NIBAN3: variants seen among roughly 807,000 people sequenced by gnomAD.
The protein encoded by NIBAN3 is protein Niban 3.
In NIBAN3, 66 loss-of-function variants were observed where a neutral mutation model predicts 76.4. The observed-to-expected ratio is 0.86, with a 90% CI of 0.71 to 1.06. The LOEUF is 1.06. Among genes scored for constraint, NIBAN3 ranks in the 50% least tolerant of loss-of-function variants. The pLI is 0.00. For missense variants in NIBAN3, 808 were observed against 810.7 expected (o/e 1.00, Z 0.04); for synonymous variants, 360 against 355.2 (o/e 1.01, Z -0.15).
At chr19:17,554,729 G>A (rs1169597092), downstream of NIBAN3, among the ~76,000 whole-genome samples, 2 of 145,834 alleles carry the variant, frequency 1.4e-5, no homozygotes, top group Non-Finnish European at 3.0e-5. Flanking sequence ...GCAGTGAGCC[G>A]AGATCGCGCC....
In NIBAN3 at chr19:17,553,287, G is replaced by T; in HGVS notation, c.*1389G>T. 1 of 1,607,648 alleles carries T rather than the reference G, an allele frequency of 6.2e-7. No individual in the cohort carries two copies. On this transcript the variant is annotated 3_prime_UTR_variant, in exon 15 of 15. Transcript: ENST00000599164. ...TTTGGGGTTTTTTTCTCCGCTTGCT[G>T]TGAGCCTTTTGGGTTTGTTTCCTAG...
chr19:17,537,914 C>T (rs558286181), intron 5 of NIBAN3, among the ~76,000 whole-genome samples: 6 of 151,208 alleles, frequency 4.0e-5, no homozygotes, highest in Admixed American at 1.3e-4. Flanking sequence ...GCACTGCACT[C>T]CAGCCTGGGC....
upstream of NIBAN3, among the ~76,000 whole-genome samples, chr19:17,526,257 G>A (rs1027185256): frequency 3.3e-5 from 5 of 151,976 alleles, no homozygotes; most frequent in Non-Finnish European, 5.9e-5. Context: ...AGGTTGCAGT[G>A]AGCCAAGATA....
chr19:17,528,274 T>G (rs2075646571), intron 1 of NIBAN3, among the ~76,000 whole-genome samples: 1 of 152,022 alleles, frequency 6.6e-6, no homozygotes. Context: ...GTATTTTTAG[T>G]AGAGATGGGG....
chr19:17,530,922 G>A, intron 2 of NIBAN3, 37 bp downstream of exon 2: 1 of 1,603,008 alleles, frequency 6.2e-7, no homozygotes, highest in Non-Finnish European at 8.5e-7. Context: ...TTGAGTGTTA[G>A]GGGAGGGTCC....
chr19:17,540,394 GA>G lies in NIBAN3; in HGVS notation c.983del (p.Asp328ValfsTer76). The G allele has an allele frequency of 1.3e-6, 2 of 1,490,990 alleles. No individual in the cohort carries two copies. The highest frequency in any genetic ancestry group is 1.8e-6 in the Non-Finnish European group (2 of 1,116,190). 92.4% of individuals were successfully genotyped at this position (1,490,990 alleles called of 1,614,324 possible). A position where few individuals can be genotyped will look rare whatever the true frequency, so the allele number is the denominator to read the frequency against. Reference protein sequence around the residue: ...RARVAGRLRTDIRGPLESCLR... With the variant: ...RARVAGRLRTXIRGPLESCLR... ...AGACCAGTGTCTTCCACTCCCAGCG[GA>G]TATCAGGGGACCGCTCGAGTCGTGC... On this transcript the variant is annotated frameshift_variant, in exon 9 of 15. Coordinates refer to ENST00000599164, the MANE Select transcript of NIBAN3 (RefSeq NM_001321827.2). LOFTEE classifies it high-confidence loss of function.
chr19:17,534,803 A>G (rs12972038), intron 4 of NIBAN3, among the ~76,000 whole-genome samples: 7 of 130,228 alleles, frequency 5.4e-5, no homozygotes, highest in East Asian at 2.0e-4. Flanking sequence ...AAAAAAAAAA[A>G]AAAAGAAAAG....
rs1215469495 is a variant in NIBAN3 at position 17,539,419 on chromosome 19, G to A, written c.784G>A (p.Ala262Thr). 2 of 1,515,152 alleles carry A rather than the reference G, an allele frequency of 1.3e-6. No individual in the cohort carries two copies. The highest frequency in any genetic ancestry group is 1.8e-6 in the Non-Finnish European group (2 of 1,135,678). The allele number at this position is 1,515,152 out of a possible 1,614,324, so 93.9% of individuals were successfully genotyped here. A position where few individuals can be genotyped will look rare whatever the true frequency, so the allele number is the denominator to read the frequency against. ...CCAGACCCTTCCTGGCCTGCGGGGG[G>A]CAGGCCGCGCCCGCGCCTGGGCCTG... ...RAQTLPGLRG[A>T]GRARAWAWTE... The change falls in exon 7 of 15, where the codon GCA becomes ACA. Residue 262 changes from alanine (A) to threonine (T), a missense_variant. By Grantham distance (58) the Ala-to-Thr change is moderately conservative. Transcript: ENST00000599164.
At chr19:17,553,725 T>C (rs768662967), downstream of NIBAN3, 5 of 682,468 alleles carry the variant, frequency 7.3e-6, no homozygotes, top group Non-Finnish European at 1.3e-5. Context: ...GAATTTGTCA[T>C]CCTGCCCCTT....
At chr19:17,527,502 C>A in intron 1 of NIBAN3, 107 bp downstream of exon 1, 1 of 1,169,610 alleles carries the variant, frequency 8.5e-7, no homozygotes, top group Non-Finnish European at 1.2e-6. Context: ...AGACCTAGGG[C>A]TGTCAAAACA....
At position 17,553,627 on chromosome 19, in the gene NIBAN3, A is replaced by G. The variant is rs2076189522; in HGVS notation, c.*1729A>G. ...ACCTTCCGAAATACATTTGCTCAAT[A>G]CATTTGCACTTCATAGGCTTCTTTA... On this transcript the variant is annotated 3_prime_UTR_variant, in exon 15 of 15. Coordinates refer to ENST00000599164, the MANE Select transcript of NIBAN3 (RefSeq NM_001321827.2). 1 of 1,393,236 alleles carries G rather than the reference A, an allele frequency of 7.2e-7. No individual in the cohort carries two copies. 86.3% of individuals were successfully genotyped at this position (1,393,236 alleles called of 1,614,324 possible).
chr19:17,530,792 C>CTA lies in NIBAN3; in HGVS notation c.94_95dup (p.Arg33ThrfsTer43). ...CCCTGCTGAGGAACTTCCTGCCTTG[C>CTA]TACCGTGGGCAGCTGGCAGCGTCTG... On this transcript the variant is annotated frameshift_variant, in exon 2 of 15. Coordinates refer to ENST00000599164, the MANE Select transcript of NIBAN3 (RefSeq NM_001321827.2). LOFTEE classifies it high-confidence loss of function. The CTA allele has an allele frequency of 6.2e-7, 1 of 1,613,070 alleles. No individual in the cohort carries two copies.
At chr19:17,551,720 C>A in intron 14 of NIBAN3, 66 bp from the exon 15 acceptor site, 1 of 676,694 alleles carries the variant, frequency 1.5e-6, no homozygotes, top group Admixed American at 2.1e-5. Context: ...ATTTTTTAAG[C>A]ACTTATTACA....
rs1200938657 is a variant in NIBAN3, at chr19:17,553,402, T to G, written c.*1504T>G. 6.2e-7 allele frequency: 1 copy of G among 1,614,210 alleles called. No homozygotes were observed. The highest frequency in any genetic ancestry group is 1.7e-5 in the Admixed American group (1 of 60,010). On this transcript the variant is annotated 3_prime_UTR_variant, in exon 15 of 15. Coordinates refer to ENST00000599164, the MANE Select transcript of NIBAN3 (RefSeq NM_001321827.2). ...CTTGCCAGCAAAGTCATCTGCTAAC[T>G]GGATATTGGCAGCTTCTCTGCTGTC...
At chr19:17,551,344 C>G (rs2076152567) in intron 14 of NIBAN3, among the ~76,000 whole-genome samples, 1 of 151,842 alleles carries the variant, frequency 6.6e-6, no homozygotes, top group African/African-American at 2.4e-5. Context: ...ATCCACCTGC[C>G]TCGGCCTCCC....
rs534048976 is a variant in NIBAN3 at position 17,540,355 on chromosome 19, G to A, written c.980-37G>A. 2.6e-5 allele frequency: 37 copies of A among 1,398,622 alleles called. 1 individual carries two copies. The South Asian group carries it at 5.5e-4, about 21-fold the overall frequency. 86.6% of individuals were successfully genotyped at this position (1,398,622 alleles called of 1,614,324 possible). A position where few individuals can be genotyped will look rare whatever the true frequency, so the allele number is the denominator to read the frequency against. ...CACATCCCCATCTGTGAGGCACCTT[G>A]CGGAGGGGACTCCAGACCAGTGTCT... is the stretch of plus-strand genomic sequence containing the variant. On this transcript the variant is annotated intron_variant, in intron 8 of 14. Coordinates refer to ENST00000599164, the MANE Select transcript of NIBAN3 (RefSeq NM_001321827.2).
rs138659835 is a variant in NIBAN3 at position 17,529,968 on chromosome 19, G to C, written c.56-787G>C. Among the ~76,000 whole-genome samples, 353 of 152,132 alleles carry C rather than the reference G, an allele frequency of 2.3e-3. 4 individuals are homozygous for C. Among genetic ancestry groups the C allele is most frequent in the African/African-American group, 8.1e-3 (338 of 41,488 alleles). ...CAGCTACTGGAGTGGGGCTGAGGTG[G>C]GAGGATCACTTGAGCCCAGGAGGTC... is the stretch of plus-strand genomic sequence containing the variant. On this transcript the variant is annotated intron_variant, in intron 1 of 14. Coordinates refer to ENST00000599164, the MANE Select transcript of NIBAN3 (RefSeq NM_001321827.2).
At chr19:17,549,560 A>C (rs1555765147) in intron 14 of NIBAN3, 33 bp downstream of exon 14, 1 of 1,543,256 alleles carries the variant, frequency 6.5e-7, no homozygotes, top group Non-Finnish European at 9.0e-7. Context: ...GAAACATGCC[A>C]GTGATTGCTG....
intron 1 of NIBAN3, among the ~76,000 whole-genome samples, chr19:17,528,136 G>C (rs1430612913): frequency 6.6e-6 from 1 of 151,638 alleles, no homozygotes; most frequent in Non-Finnish European, 1.5e-5. Flanking sequence ...CTGTTGCCCA[G>C]GCTAGAGTGC....
Sources: gnomAD v4.1 joint callset for allele counts (sites outside exome capture counted in the v4.1 genomes callset) on GRCh38, gnomAD v4.1.1 for gene constraint, MANE v1.5 for transcripts, NCBI Gene and HGNC (gene_info 2026-07-23, HGNC 2026-07-21) for gene names.